The following ENOX1 variants were observed in gnomAD, a reference collection of about 807,000 sequenced individuals.
ENOX1 encodes the protein ecto-NOX disulfide-thiol exchanger 1, also known as candidate growth-related and time keeping constitutive hydroquinone (NADH) oxidase.
Under a neutral mutation model 82.5 loss-of-function variants are expected in ENOX1, and 42 were observed. That is an observed-to-expected ratio of 0.51 (90% CI 0.40 to 0.66). The LOEUF (loss-of-function observed/expected upper bound fraction) is 0.66. Among genes scored for constraint, ENOX1 ranks in the 30% least tolerant of loss-of-function variants. ENOX1 has a pLI of 0.00. For synonymous variants in ENOX1, 271 were observed against 282.2 expected, an observed-to-expected ratio of 0.96 and a Z score of 0.40; for missense variants, 608 against 811.6, an observed-to-expected ratio of 0.75 and a Z score of 3.05.
At chr13:43,663,206 A>G (rs1261754762) in intron 2 of ENOX1, among the ~76,000 whole-genome samples, 1 of 152,226 alleles carries the variant, frequency 6.6e-6, no homozygotes, top group Admixed American at 6.5e-5. Flanking sequence ...TCTTTCACAC[A>G]GCCATTCTCC....
intron 5 of ENOX1, among the ~76,000 whole-genome samples, chr13:43,387,553 A>G (rs1166554010): frequency 6.6e-6 from 1 of 152,054 alleles, no homozygotes; most frequent in Admixed American, 6.6e-5. Flanking sequence ...TCAACTGGAT[A>G]ACTACTGTCT....
intron 10 of ENOX1, among the ~76,000 whole-genome samples, chr13:43,323,694 C>T (rs1209373668): frequency 1.3e-5 from 2 of 152,078 alleles, no homozygotes; most frequent in Admixed American, 6.5e-5. Context: ...AAATAAAAAT[C>T]AAATAGTTAA....
intron 1 of ENOX1, among the ~76,000 whole-genome samples, chr13:43,746,409 G>A (rs767333907): frequency 6.6e-6 from 1 of 152,062 alleles, no homozygotes; most frequent in Non-Finnish European, 1.5e-5. Context: ...TTATGGTAAC[G>A]AGGGTTAAAA....
chr13:43,214,118 A>T lies in ENOX1; in HGVS notation c.1804T>A (p.Ser602Thr), dbSNP rs771317844. 7.4e-6 allele frequency: 12 copies of T among 1,612,578 alleles called. No homozygotes were observed. The highest frequency in any genetic ancestry group is 9.3e-6 in the Non-Finnish European group (11 of 1,179,190). The change falls in exon 17 of 17, where the codon TCT (serine) becomes ACT (threonine). Residue 602 changes from serine to threonine, a missense_variant. Ser to Thr is a moderately conservative substitution (Grantham distance 58). Transcript: ENST00000690772. The part of the protein sequence containing the change: ...SYMQQLDSKI[S>T]ANEIEMLLMR... ...AAAAGCATTTCTATTTCATTTGCAGATATCTGTTAGAAAGGAAGGAAAGTC... is the reference window on the plus strand; with the variant it reads ...AAAAGCATTTCTATTTCATTTGCAGTTATCTGTTAGAAAGGAAGGAAAGTC...
At position 43,320,484 on chromosome 13, in the gene ENOX1, C is replaced by T. The variant is rs186966005; in HGVS notation, c.1261+1900G>A. On this transcript the variant is annotated intron_variant, in intron 11 of 16. Coordinates refer to ENST00000690772, the MANE Select transcript of ENOX1 (RefSeq NM_001347969.2). ...AGGTGTCGGGGGATCACATCTCCGT[C>T]GATGCTTCTGCAGCAGAGGCCGGGC... is the stretch of plus-strand genomic sequence containing the variant. 1.7e-3 allele frequency among the ~76,000 whole-genome samples: 263 copies of T among 152,236 alleles called. 11 individuals are homozygous for T. The South Asian group carries it at 0.048, about 28-fold the overall frequency.
At chr13:43,236,200 C>A (rs2042542189) in intron 15 of ENOX1, among the ~76,000 whole-genome samples, 1 of 152,152 alleles carries the variant, frequency 6.6e-6, no homozygotes, top group Non-Finnish European at 1.5e-5. Flanking sequence ...GTCAGCATTG[C>A]AGGTCTAGCC....
intron 5 of ENOX1, among the ~76,000 whole-genome samples, chr13:43,375,258 G>T (rs1218928743): frequency 6.6e-6 from 1 of 151,920 alleles, no homozygotes; most frequent in South Asian, 2.1e-4. Context: ...AAAAGAACGG[G>T]GCGGGGGGTG....
chr13:43,686,630 C>A (rs886443484), intron 1 of ENOX1, among the ~76,000 whole-genome samples: 1 of 152,158 alleles, frequency 6.6e-6, no homozygotes, highest in Non-Finnish European at 1.5e-5. Flanking sequence ...GACTCTGAGA[C>A]CTTACACACA....
At chr13:43,415,454 C>G (rs1308430004) in intron 3 of ENOX1, among the ~76,000 whole-genome samples, 6 of 151,846 alleles carry the variant, frequency 4.0e-5, no homozygotes, top group East Asian at 1.9e-4. Flanking sequence ...TGACTCTTAA[C>G]GAACATGCTG....
chr13:43,585,085 G>A (rs1273649387), intron 2 of ENOX1, among the ~76,000 whole-genome samples: 1 of 152,234 alleles, frequency 6.6e-6, no homozygotes. Context: ...GAGATGGGGA[G>A]ATTATCCTGG....
At chr13:43,301,058 G>A (rs2046548451) in intron 11 of ENOX1, among the ~76,000 whole-genome samples, 1 of 152,160 alleles carries the variant, frequency 6.6e-6, no homozygotes, top group South Asian at 2.1e-4. Context: ...TGTTGTAATA[G>A]GGCAAAATCA....
chr13:43,514,832 G>C (rs1376869664), intron 2 of ENOX1, among the ~76,000 whole-genome samples: 3 of 136,250 alleles, frequency 2.2e-5, no homozygotes, highest in African/African-American at 8.3e-5. Flanking sequence ...AGATGCCATA[G>C]AGGAGACAGG....
chr13:43,466,868 T>C (rs1157065389), intron 3 of ENOX1, among the ~76,000 whole-genome samples: 1 of 152,208 alleles, frequency 6.6e-6, no homozygotes, highest in East Asian at 1.9e-4. Flanking sequence ...CATTCTGGAC[T>C]TTTCATATAA....
intron 11 of ENOX1, among the ~76,000 whole-genome samples, chr13:43,311,237 A>C (rs2147368): frequency 0.95 from 144,844 of 151,916 alleles, 69,465 homozygotes; most frequent in East Asian, 1. Context: ...TGCTAGAGAA[A>C]GAGAAGGGGC....
intron 2 of ENOX1, among the ~76,000 whole-genome samples, chr13:43,511,914 C>T (rs981293601): frequency 5.9e-5 from 9 of 151,864 alleles, no homozygotes; most frequent in African/African-American, 1.9e-4. Flanking sequence ...CTGAGAAGTG[C>T]GTATGTGTGT....
At chr13:43,617,920 G>A (rs938657551) in intron 2 of ENOX1, among the ~76,000 whole-genome samples, 1 of 151,654 alleles carries the variant, frequency 6.6e-6, no homozygotes, top group African/African-American at 2.4e-5. Flanking sequence ...TTGTTGTTAT[G>A]GCCATTCTTG....
intron 2 of ENOX1, among the ~76,000 whole-genome samples, chr13:43,589,798 A>G (rs975636209): frequency 1.3e-5 from 2 of 151,570 alleles, no homozygotes; most frequent in Non-Finnish European, 2.9e-5. Context: ...ATGAGCCACC[A>G]TGCCTGGCCC....
chr13:43,312,882 C>A (rs1003157255), intron 11 of ENOX1, among the ~76,000 whole-genome samples: 2 of 152,110 alleles, frequency 1.3e-5, no homozygotes, highest in African/African-American at 4.8e-5. Flanking sequence ...GAAGACCAAG[C>A]AGAAGCCCCA....
In ENOX1 at chr13:43,484,260, C is replaced by T. The variant is rs139895357; in HGVS notation, c.-218-108G>A. ...GTTATCAGCATGATGTTATTAATTT[C>T]TATTATCAATTTTGTACCCTAAATC... On this transcript the variant is annotated intron_variant, in intron 2 of 16. Coordinates refer to ENST00000690772, the MANE Select transcript of ENOX1 (RefSeq NM_001347969.2). 2.4e-3 allele frequency: 1,529 copies of T among 636,392 alleles called. 4 individuals are homozygous for T. Among genetic ancestry groups the T allele is most frequent in the Non-Finnish European group, 2.6e-3 (1,316 of 511,738 alleles). The allele number at this position is 636,392 out of a possible 1,614,324, so 39.4% of individuals were successfully genotyped here.
Sources: gnomAD v4.1 joint callset for allele counts (sites outside exome capture counted in the v4.1 genomes callset) on GRCh38, gnomAD v4.1.1 for gene constraint, MANE v1.5 for transcripts, NCBI Gene and HGNC (gene_info 2026-07-23, HGNC 2026-07-21) for gene names.